Variants in PRKCH observed in about 807,000 individuals in gnomAD.
PRKCH encodes the protein protein kinase C eta type.
PRKCH carries 28 observed loss-of-function variants against 82.5 expected under a neutral mutation model. The ratio of observed to expected loss-of-function variants is 0.34; its 90% confidence interval spans 0.25 to 0.47. The LOEUF is 0.47. PRKCH is among the 20% of genes least tolerant of loss of function. PRKCH has a pLI of 1.00. For missense variants in PRKCH, 705 were observed against 881.8 expected (o/e 0.80, Z 2.54); for synonymous variants, 322 against 327.4 (o/e 0.98, Z 0.18).
At chr14:61,292,969 A>G (rs1244477379) in intron 1 of PRKCH, among the ~76,000 whole-genome samples, 5 of 152,132 alleles carry the variant, frequency 3.3e-5, no homozygotes, top group Non-Finnish European at 1.5e-5. Flanking sequence ...GTCTGCTCAC[A>G]AAACCAGGTG....
intron 1 of PRKCH, among the ~76,000 whole-genome samples, chr14:61,371,749 C>T (rs888763770): frequency 6.6e-6 from 1 of 152,076 alleles, no homozygotes; most frequent in African/African-American, 2.4e-5. Context: ...TCTTCCCCTT[C>T]TTTCCATACT....
upstream of PRKCH, among the ~76,000 whole-genome samples, chr14:61,319,573 A>G (rs1339958177): frequency 6.6e-6 from 1 of 152,000 alleles, no homozygotes; most frequent in Non-Finnish European, 1.5e-5. Flanking sequence ...TTAAAATTTA[A>G]AAAAAAATTT....
chr14:61,540,490 C>A (rs1425494482), intron 12 of PRKCH, among the ~76,000 whole-genome samples: 1 of 152,184 alleles, frequency 6.6e-6, no homozygotes, highest in Non-Finnish European at 1.5e-5. Context: ...GTAGCACTCC[C>A]AAACTGTGTG....
At chr14:61,376,987 A>G (rs1594638381) in intron 1 of PRKCH, among the ~76,000 whole-genome samples, 2 of 152,330 alleles carry the variant, frequency 1.3e-5, no homozygotes, top group East Asian at 3.9e-4. Context: ...GGTGGAAGTT[A>G]TGGGGATATA....
At chr14:61,188,880 C>T (rs907842906) in intron 1 of PRKCH, among the ~76,000 whole-genome samples, 13 of 151,906 alleles carry the variant, frequency 8.6e-5, no homozygotes, top group African/African-American at 3.1e-4. Flanking sequence ...CCACCACGCC[C>T]GGCTAATTTT....
At chr14:61,340,846 C>T (rs559718395) in intron 1 of PRKCH, among the ~76,000 whole-genome samples, 3 of 152,310 alleles carry the variant, frequency 2.0e-5, no homozygotes, top group East Asian at 1.9e-4. Context: ...TGTTCAGTCA[C>T]CTGGCCACCA....
At chr14:61,309,241 C>A (rs1040732534) in intron 1 of PRKCH, among the ~76,000 whole-genome samples, 3 of 152,072 alleles carry the variant, frequency 2.0e-5, no homozygotes, top group Non-Finnish European at 4.4e-5. Flanking sequence ...GTGATTGTGC[C>A]GGTGCACTCC....
At chr14:61,215,044 C>G (rs1008960281) in intron 1 of PRKCH, among the ~76,000 whole-genome samples, 4 of 152,078 alleles carry the variant, frequency 2.6e-5, no homozygotes, top group Non-Finnish European at 5.9e-5. Context: ...TCTTATTAAT[C>G]CTTGTTTCTT....
intron 1 of PRKCH, among the ~76,000 whole-genome samples, chr14:61,211,604 T>C (rs940091863): frequency 1.3e-5 from 2 of 152,296 alleles, no homozygotes; most frequent in South Asian, 4.1e-4. Flanking sequence ...ATTAGTCTTG[T>C]TGGTTTGCAG....
intron 1 of PRKCH, among the ~76,000 whole-genome samples, chr14:61,271,559 C>G (rs909422092): frequency 6.6e-6 from 1 of 152,194 alleles, no homozygotes; most frequent in Non-Finnish European, 1.5e-5. Flanking sequence ...GCCTCTCAGT[C>G]GGCCAACCTG....
At chr14:61,197,651 A>G (rs2044450465) in intron 1 of PRKCH, among the ~76,000 whole-genome samples, 2 of 152,182 alleles carry the variant, frequency 1.3e-5, no homozygotes, top group South Asian at 4.2e-4. Flanking sequence ...TCCATTCATG[A>G]GAGCAGAGCC....
intron 2 of PRKCH, among the ~76,000 whole-genome samples, chr14:61,410,409 G>A (rs1300436581): frequency 6.6e-6 from 1 of 152,144 alleles, no homozygotes; most frequent in Admixed American, 6.5e-5. Flanking sequence ...GCTCCATGCT[G>A]CCTGCCTGTA....
chr14:61,478,637 G>C (rs539582666), intron 9 of PRKCH, among the ~76,000 whole-genome samples: 2 of 152,112 alleles, frequency 1.3e-5, no homozygotes, highest in African/African-American at 4.8e-5. Flanking sequence ...TTGGGAGGCC[G>C]AGGTAGGATT....
chr14:61,449,314 G>A lies in PRKCH; in HGVS notation c.702+62G>A, dbSNP rs987994132. The A allele has an allele frequency of 7.0e-5, 98 of 1,406,044 alleles. No homozygotes were observed. In the South Asian group the frequency reaches 8.0e-4, roughly 11 times the overall value. The allele number at this position is 1,406,044 out of a possible 1,614,324, so 87.1% of individuals were successfully genotyped here. A position where few individuals can be genotyped will look rare whatever the true frequency, so the allele number is the denominator to read the frequency against. On this transcript the variant is annotated intron_variant, in intron 5 of 13. Transcript: ENST00000332981. ...TGTATTGTGTATGCTGTGTACCGCC[G>A]TCTCTCTCCCTCCCTCCCTCCTTTC...
chr14:61,548,861 CAA>C (rs11424840), intron 13 of PRKCH, among the ~76,000 whole-genome samples: 10 of 128,794 alleles, frequency 7.8e-5, no homozygotes, highest in African/African-American at 8.8e-5. Flanking sequence ...GACTTTGTCT[CAA>C]AAAAAAAAAA....
At chr14:61,431,036 G>A (rs1883367974) in intron 2 of PRKCH, among the ~76,000 whole-genome samples, 1 of 152,258 alleles carries the variant, frequency 6.6e-6, no homozygotes, top group Admixed American at 6.5e-5. Flanking sequence ...TTACAGGCGT[G>A]AGCCGCGGCA....
intron 2 of PRKCH, among the ~76,000 whole-genome samples, chr14:61,410,181 C>T (rs1482116260): frequency 6.6e-6 from 1 of 152,136 alleles, no homozygotes; most frequent in East Asian, 1.9e-4. Flanking sequence ...TCTCTTGAGT[C>T]TGTGAGCAGG....
intron 1 of PRKCH, among the ~76,000 whole-genome samples, chr14:61,228,827 G>A (rs1226205898): frequency 6.6e-6 from 1 of 151,944 alleles, no homozygotes; most frequent in Non-Finnish European, 1.5e-5. Context: ...GATTGCTTGG[G>A]CCCAGTAGTT....
At chr14:61,340,366 G>A (rs1020618052) in intron 1 of PRKCH, among the ~76,000 whole-genome samples, 3 of 149,596 alleles carry the variant, frequency 2.0e-5, no homozygotes, top group Non-Finnish European at 4.5e-5. Flanking sequence ...GTGTTCCCCA[G>A]GTGGGAGGGG....
Sources: gnomAD v4.1 joint callset for allele counts (sites outside exome capture counted in the v4.1 genomes callset) on GRCh38, gnomAD v4.1.1 for gene constraint, MANE v1.5 for transcripts, NCBI Gene and HGNC (gene_info 2026-07-23, HGNC 2026-07-21) for gene names.